The following SRPRB variants were observed in gnomAD, a reference collection of about 807,000 sequenced individuals.
SRPRB encodes the protein signal recognition particle receptor subunit beta.
In SRPRB, 20 loss-of-function variants were observed where a neutral mutation model predicts 31.9. The ratio of observed to expected loss-of-function variants is 0.63; its 90% CI spans 0.44 to 0.91. The LOEUF is 0.91. SRPRB is among the 40% of genes least tolerant of loss of function. SRPRB has a pLI of 0.00. For missense variants in SRPRB, 321 were observed against 324.9 expected, an observed-to-expected ratio of 0.99 and a Z score of 0.09; for synonymous variants, 146 against 132.8, an observed-to-expected ratio of 1.10 and a Z score of -0.68.
At chr3:133,793,235 G>A (rs1333286424) in intron 1 of SRPRB, 1 of 152,072 alleles carries the variant, frequency 6.6e-6, no homozygotes, top group Non-Finnish European at 1.5e-5. Context: ...CTATCAACAT[G>A]GAAAGGTTTT....
rs1026351405 is a variant in SRPRB, at chr3:133,784,534, C to T, written c.-174+390C>T. 2.0e-5 allele frequency: 3 copies of T among 150,764 alleles called. No homozygotes were observed. In the South Asian group the frequency reaches 6.4e-4, roughly 32 times the overall value. 9.3% of individuals were successfully genotyped at this position (150,764 alleles called of 1,614,324 possible). A position where few individuals can be genotyped will look rare whatever the true frequency, so the allele number is the denominator to read the frequency against. On this transcript the variant is annotated intron_variant, in intron 1 of 7. Coordinates refer to the SRPRB transcript ENST00000466490. ...GGACATAAATGGCTTCTGGAGATGA[C>T]TTTTTGCAATGAAGTTGTTAGACCA...
chr3:133,813,983 A>G (rs187485251), intron 4 of SRPRB, among the ~76,000 whole-genome samples: 207 of 152,208 alleles, frequency 1.4e-3, no homozygotes, highest in African/African-American at 4.8e-3. Flanking sequence ...TTCTAAGGGA[A>G]CTTTTTTTGC....
intron 1 of SRPRB, chr3:133,790,238 T>C (rs1934798465): frequency 6.6e-6 from 1 of 152,182 alleles, no homozygotes; most frequent in Non-Finnish European, 1.5e-5. Flanking sequence ...TATGGGGAAA[T>C]ATGTTTCTAA....
At chr3:133,791,253 G>A (rs1036207335) in intron 1 of SRPRB, 1 of 152,136 alleles carries the variant, frequency 6.6e-6, no homozygotes, top group Non-Finnish European at 1.5e-5. Context: ...TACTTTAAGT[G>A]TGTTGAGTAT....
intron 1 of SRPRB, among the ~76,000 whole-genome samples, chr3:133,797,530 A>G (rs1385231072): frequency 6.6e-6 from 1 of 152,212 alleles, no homozygotes; most frequent in Non-Finnish European, 1.5e-5. Flanking sequence ...TAGAGGGCTA[A>G]AGTAACACCC....
At chr3:133,793,369 A>G (rs1054262363) in intron 1 of SRPRB, 5 of 152,140 alleles carry the variant, frequency 3.3e-5, no homozygotes, top group Non-Finnish European at 4.4e-5. Flanking sequence ...CCCAAAATCA[A>G]ATTTCAGCTT....
chr3:133,827,739 A>G (rs1170498614), downstream of SRPRB: 4 of 383,662 alleles, frequency 1.0e-5, no homozygotes, highest in Admixed American at 3.4e-5. Context: ...GTGGTTCTGC[A>G]GACAACACCC....
At chr3:133,804,707 C>A (rs1425564075), upstream of SRPRB, among the ~76,000 whole-genome samples, 1 of 151,778 alleles carries the variant, frequency 6.6e-6, no homozygotes, top group Non-Finnish European at 1.5e-5. Context: ...GGCCTTTCAC[C>A]AGCTCCATTT....
downstream of SRPRB, among the ~76,000 whole-genome samples, chr3:133,822,545 TTGG>T (rs1270541172): frequency 1.3e-5 from 2 of 152,158 alleles, no homozygotes; most frequent in South Asian, 2.1e-4. Context: ...GCAGCTGCTG[TTGG>T]TGGGGAGTCC....
chr3:133,816,115 C>T (rs914423019), intron 5 of SRPRB, among the ~76,000 whole-genome samples: 2 of 152,164 alleles, frequency 1.3e-5, no homozygotes, highest in Non-Finnish European at 2.9e-5. Flanking sequence ...GGGAAGTTTG[C>T]TGAAGTTGTT....
chr3:133,799,533 A>C lies in SRPRB; in HGVS notation c.-173-6143A>C, dbSNP rs1395455993. Among the ~76,000 whole-genome samples the C allele has an allele frequency of 2.0e-5, 3 of 152,208 alleles. No homozygotes were observed. The East Asian group carries it at 5.8e-4, about 29-fold the overall frequency. Reference sequence around the variant, plus strand: ...GCCTTGGAAGGACAGAGAAAAAAATAATTATTTTAATTTTGCATTTTTATG... The same window carrying C: ...GCCTTGGAAGGACAGAGAAAAAAATCATTATTTTAATTTTGCATTTTTATG... On this transcript the variant is annotated intron_variant, in intron 1 of 7. Transcript: ENST00000466490.
Position 133,798,528 on chromosome 3 carries a change from A to T in SRPRB, c.-173-7148A>T, listed in dbSNP as rs12374072. Among the ~76,000 whole-genome samples, 589 of 152,330 alleles carry T rather than the reference A, an allele frequency of 3.9e-3. 4 individuals are homozygous for T. Among genetic ancestry groups the T allele is most frequent in the African/African-American group, 0.013 (539 of 41,574 alleles). On this transcript the variant is annotated intron_variant, in intron 1 of 7. Coordinates refer to the SRPRB transcript ENST00000466490. Reference sequence around the variant, plus strand: ...TAATTGGAACTCTGCCAATGCTTTTATCTCAAGGTATGATGCCATTTTTGT... The same window carrying T: ...TAATTGGAACTCTGCCAATGCTTTTTTCTCAAGGTATGATGCCATTTTTGT...
downstream of SRPRB, chr3:133,825,059 G>A (rs931419043): frequency 2.6e-5 from 4 of 152,070 alleles, no homozygotes; most frequent in Non-Finnish European, 4.4e-5. Context: ...GAGGCAGTTC[G>A]GAAACGAGTG....
chr3:133,817,660 G>A (rs937595516), intron 6 of SRPRB, among the ~76,000 whole-genome samples: 1 of 152,120 alleles, frequency 6.6e-6, no homozygotes, highest in African/African-American at 2.4e-5. Context: ...TTTTCTTATT[G>A]CTTTTGTGTA....
upstream of SRPRB, among the ~76,000 whole-genome samples, chr3:133,805,381 A>C (rs1935130949): frequency 6.6e-6 from 1 of 152,140 alleles, no homozygotes; most frequent in Non-Finnish European, 1.5e-5. Context: ...TGAACTCATG[A>C]TGGACTCCGC....
At chr3:133,789,350 C>T (rs1934771074) in intron 1 of SRPRB, 4 of 152,204 alleles carry the variant, frequency 2.6e-5, no homozygotes, top group Admixed American at 2.6e-4. Context: ...TGATGTTCTC[C>T]TTTGGTGCTG....
intron 1 of SRPRB, chr3:133,788,292 G>T (rs533520969): frequency 2.0e-5 from 3 of 152,292 alleles, no homozygotes; most frequent in African/African-American, 7.2e-5. Flanking sequence ...CTAAGTAAAT[G>T]ACTTTGTAAC....
rs745692607 is a variant in SRPRB at position 133,819,642 on chromosome 3, A to C, written c.692A>C (p.Glu231Ala). The change falls in exon 7 of 7, where the codon GAG becomes GCG. Residue 231 changes from glutamate (E) to alanine (A), a missense_variant. Transcript: ENST00000678299. ...GCTCAGCTGGGGAAGAAAGGCAAAG[A>C]GTTTGAATTCTCACAGTTGCCCCTC... ...APAQLGKKGK[E>A]FEFSQLPLKV... 9 of 1,614,092 alleles carry C rather than the reference A, an allele frequency of 5.6e-6. No individual in the cohort carries two copies. The Admixed American group carries it at 1.3e-4, about 24-fold the overall frequency.
chr3:133,819,247 A>G (rs1240349301), intron 6 of SRPRB, among the ~76,000 whole-genome samples: 1 of 152,056 alleles, frequency 6.6e-6, no homozygotes, highest in Non-Finnish European at 1.5e-5. Context: ...ATATTTTTAG[A>G]CGGCTTCATT....
Sources: gnomAD v4.1 joint callset for allele counts (sites outside exome capture counted in the v4.1 genomes callset) on GRCh38, gnomAD v4.1.1 for gene constraint, MANE v1.5 for transcripts, NCBI Gene and HGNC (gene_info 2026-07-23, HGNC 2026-07-21) for gene names.